Variants in SLC38A4 observed in about 807,000 individuals in gnomAD.
SLC38A4 encodes solute carrier family 38 member 4, also known as sodium-coupled neutral amino acid transporter 4.
In SLC38A4, 20 loss-of-function variants were observed where a neutral mutation model predicts 63.1. The ratio of observed to expected loss-of-function variants is 0.32; its 90% CI spans 0.22 to 0.46. The LOEUF (loss-of-function observed/expected upper bound fraction) is 0.46. Ranked by LOEUF, SLC38A4 falls within the 20% of genes least tolerant of loss-of-function variation. SLC38A4 has a pLI of 1.00. For missense variants in SLC38A4, 526 were observed against 663.6 expected, an observed-to-expected ratio of 0.79 and a Z score of 2.28; for synonymous variants, 230 against 225.5, an observed-to-expected ratio of 1.02 and a Z score of -0.18.
At chr12:46,808,609 C>T (rs928080657) in intron 1 of SLC38A4, among the ~76,000 whole-genome samples, 1 of 151,960 alleles carries the variant, frequency 6.6e-6, no homozygotes, top group Non-Finnish European at 1.5e-5. Flanking sequence ...TTCTGGTCCA[C>T]TTCATTTATT....
intron 1 of SLC38A4, among the ~76,000 whole-genome samples, chr12:46,805,595 T>C (rs1269505535): frequency 2.0e-5 from 3 of 152,100 alleles, no homozygotes; most frequent in Non-Finnish European, 4.4e-5. Context: ...ATTAAAATCA[T>C]ACCACAATGT....
Position 46,776,849 on chromosome 12 carries a change from A to C in SLC38A4, c.1174+55T>G, listed in dbSNP as rs1938535797. 2.0e-6 allele frequency: 3 copies of C among 1,511,028 alleles called. No homozygotes were observed. In the Admixed American group the frequency reaches 5.0e-5, roughly 25 times the overall value. 93.6% of individuals were successfully genotyped at this position (1,511,028 alleles called of 1,614,324 possible). On this transcript the variant is annotated intron_variant, in intron 13 of 16. Coordinates refer to ENST00000266579, the MANE Select transcript of SLC38A4 (RefSeq NM_018018.5). ...TTTAAAAATCATACCTACCCAGGTCAAGGACCAGCCTAACAAGGATTTGCA... is the reference window on the plus strand; with the variant it reads ...TTTAAAAATCATACCTACCCAGGTCCAGGACCAGCCTAACAAGGATTTGCA...
At chr12:46,788,064 A>T in intron 4 of SLC38A4, 33 bp from the exon 5 acceptor site, 1 of 1,544,906 alleles carries the variant, frequency 6.5e-7, no homozygotes, top group Non-Finnish European at 8.9e-7. Context: ...ATAAGCAAAC[A>T]TTTGCCAAAG....
chr12:46,810,881 T>TA (rs1312869081), intron 1 of SLC38A4, among the ~76,000 whole-genome samples: 8 of 152,090 alleles, frequency 5.3e-5, no homozygotes, highest in Admixed American at 2.0e-4. Flanking sequence ...TCAACTCCCT[T>TA]AAAAAATCTT....
rs777458182 is a variant in SLC38A4, at chr12:46,776,892, A to G, written c.1174+12T>C. ...GATTTGCATATAGAGAATGACTTTC[A>G]GAGTGACCTACCATAGAAGGTTAGG... On this transcript the variant is annotated intron_variant, in intron 13 of 16. Transcript: ENST00000266579. 1.7e-5 allele frequency: 27 copies of G among 1,607,736 alleles called. No individual in the cohort carries two copies. Among genetic ancestry groups the G allele is most frequent in the Non-Finnish European group, 2.2e-5 (26 of 1,174,860 alleles).
chr12:46,810,013 G>A (rs1396725534), intron 1 of SLC38A4, among the ~76,000 whole-genome samples: 1 of 151,986 alleles, frequency 6.6e-6, no homozygotes, highest in African/African-American at 2.4e-5. Flanking sequence ...ACTTATTTGT[G>A]TATGAGGTTG....
At chr12:46,789,666 C>T (rs577537608) in intron 3 of SLC38A4, among the ~76,000 whole-genome samples, 273 of 152,184 alleles carry the variant, frequency 1.8e-3, no homozygotes, top group African/African-American at 6.3e-3. Flanking sequence ...ATATAAAATG[C>T]TCGACTATGT....
rs1335274142 is a variant in SLC38A4, at chr12:46,784,535, C to G, written c.493+7G>C. ...TATGGGATCCATTGAAAAGTATATC[C>G]CCTTACCTCCAATGTTCTGCATTGT... On this transcript the variant is annotated splice_region_variant and intron_variant, in intron 7 of 16. Coordinates refer to ENST00000266579, the MANE Select transcript of SLC38A4 (RefSeq NM_018018.5). The G allele has an allele frequency of 1.9e-6, 3 of 1,608,324 alleles. No homozygotes were observed. The East Asian group carries it at 6.7e-5, about 36-fold the overall frequency.
At position 46,766,423 on chromosome 12, in the gene SLC38A4, T is replaced by C. The variant is rs1467817392; in HGVS notation, c.*278A>G. The C allele has an allele frequency of 1.8e-6, 1 of 542,204 alleles. No homozygotes were observed. The highest frequency in any genetic ancestry group is 1.5e-5 in the South Asian group (1 of 65,354). 33.6% of individuals were successfully genotyped at this position (542,204 alleles called of 1,614,324 possible). ...CATGCAGTTACCCTTATTCTGCTCGTAAAGCAGCAAAAATACACCTTCATC... is the reference window on the plus strand; with the variant it reads ...CATGCAGTTACCCTTATTCTGCTCGCAAAGCAGCAAAAATACACCTTCATC... On this transcript the variant is annotated 3_prime_UTR_variant, in exon 17 of 17. Transcript: ENST00000266579.
At chr12:46,807,353 C>T (rs1939253859) in intron 1 of SLC38A4, among the ~76,000 whole-genome samples, 1 of 151,894 alleles carries the variant, frequency 6.6e-6, no homozygotes, top group Admixed American at 6.6e-5. Context: ...CAAGAAGTTA[C>T]CTTTTACCGT....
At chr12:46,794,971 G>A (rs754058459) in intron 2 of SLC38A4, among the ~76,000 whole-genome samples, 3 of 149,564 alleles carry the variant, frequency 2.0e-5, no homozygotes, top group Non-Finnish European at 3.0e-5. Context: ...ATAGAAGTAA[G>A]ACATGCATAT....
Position 46,788,040 on chromosome 12 carries a change from A to T in SLC38A4, c.211-9T>A. 1 of 1,601,244 alleles carries T rather than the reference A, an allele frequency of 6.2e-7. No homozygotes were observed. Among genetic ancestry groups the T allele is most frequent in the Non-Finnish European group, 8.6e-7 (1 of 1,168,496 alleles). ...GAAGTGGTTCCGGGATGCTTGAAAA[A>T]GAAGGGATGTATTATAAGCAAACAT... On this transcript the variant is annotated splice_polypyrimidine_tract_variant and intron_variant, in intron 4 of 16. Coordinates refer to ENST00000266579, the MANE Select transcript of SLC38A4 (RefSeq NM_018018.5).
At chr12:46,792,845 T>C (rs1592185533) in intron 3 of SLC38A4, 108 bp downstream of exon 3, 2 of 763,712 alleles carry the variant, frequency 2.6e-6, no homozygotes, top group East Asian at 2.5e-5. Flanking sequence ...ATCATTGTTA[T>C]CACAAATTTA....
intron 4 of SLC38A4, 137 bp downstream of exon 4, chr12:46,788,389 TTC>T: frequency 1.5e-6 from 1 of 672,182 alleles, no homozygotes; most frequent in Non-Finnish European, 2.6e-6. Flanking sequence ...CAAGCCCTTA[TTC>T]CAGTAAGAGC....
At chr12:46,815,268 TATATATATATATATATACACAC>T (rs1362855622) in intron 1 of SLC38A4, among the ~76,000 whole-genome samples, 14 of 74,246 alleles carry the variant, frequency 1.9e-4, no homozygotes, top group African/African-American at 6.0e-4. Flanking sequence ...TATATATATA[TATATATATATATATATACACAC>T]ACACACACAC....
At chr12:46,814,423 A>G (rs1939396561) in intron 1 of SLC38A4, among the ~76,000 whole-genome samples, 1 of 151,962 alleles carries the variant, frequency 6.6e-6, no homozygotes, top group Non-Finnish European at 1.5e-5. Context: ...ACCTGTCATC[A>G]GCGCCAGTGT....
In SLC38A4 at chr12:46,771,560, G is replaced by A. The variant is rs967814960; in HGVS notation, c.1300-2132C>T. 1.5e-4 allele frequency among the ~76,000 whole-genome samples: 23 copies of A among 152,068 alleles called. 1 individual carries two copies. The highest frequency in any genetic ancestry group is 7.4e-5 in the Non-Finnish European group (5 of 68,008). On this transcript the variant is annotated intron_variant, in intron 14 of 16. Transcript: ENST00000266579. ...TATGGCAATAATAGGTAGAACGGTT[G>A]GAGTAAATGCAAAAGCTTCTTCCTC...
intron 7 of SLC38A4, among the ~76,000 whole-genome samples, chr12:46,783,422 T>C (rs934219875): frequency 6.6e-6 from 1 of 151,950 alleles, no homozygotes; most frequent in African/African-American, 2.4e-5. Flanking sequence ...ACGACAAAAG[T>C]AGAAACAGAC....
At chr12:46,831,037 GC>G (rs1267169259) in intron 1 of SLC38A4, among the ~76,000 whole-genome samples, 8 of 152,194 alleles carry the variant, frequency 5.3e-5, no homozygotes, top group Non-Finnish European at 1.2e-4. Context: ...CAAGTCAGCA[GC>G]CCGGTGAGCA....
Sources: allele counts gnomAD v4.1 joint callset (sites outside exome capture counted in the v4.1 genomes callset), GRCh38; gene constraint gnomAD v4.1.1; transcripts MANE v1.5; gene names NCBI Gene and HGNC (gene_info 2026-07-23, HGNC 2026-07-21).